Variants in KIRREL1 observed in about 807,000 individuals in gnomAD.
The protein encoded by KIRREL1 is kin of IRRE-like protein 1.
Under a neutral mutation model 83.3 loss-of-function variants are expected in KIRREL1, and 25 were observed. The observed-to-expected ratio is 0.30, with a 90% confidence interval of 0.22 to 0.42. The LOEUF is 0.42. KIRREL1 is among the 10% of genes least tolerant of loss of function. The pLI, the probability that KIRREL1 is intolerant of heterozygous loss-of-function variation, is 1.00. For synonymous variants in KIRREL1, 388 were observed against 410.4 expected, an observed-to-expected ratio of 0.95 and a Z score of 0.66; for missense variants, 812 against 1,032.3, an observed-to-expected ratio of 0.79 and a Z score of 2.92.
intron 1 of KIRREL1, among the ~76,000 whole-genome samples, chr1:158,066,769 C>T (rs948726296): frequency 3.9e-5 from 6 of 152,188 alleles, no homozygotes; most frequent in African/African-American, 7.2e-5. Flanking sequence ...TCTGCTCTCT[C>T]GCCTCCTTCC....
At chr1:158,072,529 G>GA (rs1368689570) in intron 1 of KIRREL1, among the ~76,000 whole-genome samples, 1 of 152,082 alleles carries the variant, frequency 6.6e-6, no homozygotes, top group Non-Finnish European at 1.5e-5. Flanking sequence ...GACCTTGAGG[G>GA]AACTACACGA....
chr1:158,093,703 C>T lies in KIRREL1; in HGVS notation c.1660C>T (p.Arg554Trp), dbSNP rs778661101. Residue 554 changes from arginine to tryptophan, a missense_variant, in exon 13 of 15, where the codon CGG becomes TGG. Around this residue, in one of 3 missense-constraint regions of KIRREL1, gnomAD observed 334 missense variants for 383.7 expected, o/e 0.87. Coordinates refer to ENST00000359209, the MANE Select transcript of KIRREL1 (RefSeq NM_018240.7). ...NREPLTMHSDREDDTASVSTA... is the reference protein window; with the variant it reads ...NREPLTMHSDWEDDTASVSTA... ...AGAGCCACTTACGATGCATTCTGAC[C>T]GGGAGGATGACACCGCCAGCGTCTC... 21 of 1,614,002 alleles carry T rather than the reference C, an allele frequency of 1.3e-5. No individual in the cohort carries two copies. The highest frequency in any genetic ancestry group is 4.5e-5 in the East Asian group (2 of 44,884).
At chr1:158,033,504 T>C (rs1660384559) in intron 1 of KIRREL1, among the ~76,000 whole-genome samples, 1 of 152,234 alleles carries the variant, frequency 6.6e-6, no homozygotes, top group Non-Finnish European at 1.5e-5. Context: ...TGGTGACTTT[T>C]TGGCATCAGT....
intron 10 of KIRREL1, 71 bp from the exon 11 acceptor site, chr1:158,091,287 C>G (rs1662187523): frequency 6.9e-7 from 1 of 1,438,924 alleles, no homozygotes; most frequent in African/African-American, 1.4e-5. Context: ...GAGGGTGGAT[C>G]AGGGGACACG....
chr1:158,015,262 T>C (rs1439696383), intron 1 of KIRREL1, among the ~76,000 whole-genome samples: 1 of 152,132 alleles, frequency 6.6e-6, no homozygotes, highest in Non-Finnish European at 1.5e-5. Flanking sequence ...TCCTCTCATC[T>C]CTGATGCAGT....
intron 1 of KIRREL1, among the ~76,000 whole-genome samples, chr1:158,032,706 G>T (rs1267461354): frequency 6.6e-6 from 1 of 152,048 alleles, no homozygotes; most frequent in Non-Finnish European, 1.5e-5. Context: ...ACCTTTCACT[G>T]CTTGTCCCCA....
In KIRREL1 at chr1:158,092,345, C is replaced by CTTTTTT. The variant is rs11430850; in HGVS notation, c.1471+804_1471+809dup. Among the ~76,000 whole-genome samples the CTTTTTT allele has an allele frequency of 3.6e-4, 40 of 110,916 alleles. 5 individuals carry two copies. The highest frequency in any genetic ancestry group is 8.4e-4 in the African/African-American group (24 of 28,548). 72.8% of individuals were successfully genotyped at this position (110,916 alleles called of 152,430 possible). On this transcript the variant is annotated intron_variant, in intron 11 of 14. Transcript: ENST00000359209. ...AATGACAGCATCCCATCACTTCAGT[C>CTTTTTT]TTTTTTTTTTTTTTTTTTTTGAGAT...
intron 1 of KIRREL1, among the ~76,000 whole-genome samples, chr1:158,027,170 G>T (rs991395472): frequency 3.3e-5 from 5 of 152,308 alleles, no homozygotes; most frequent in Middle Eastern, 3.4e-3. Flanking sequence ...ACCCCATCCT[G>T]AGGTTTTATT....
At chr1:158,046,363 T>G (rs1456445778) in intron 1 of KIRREL1, among the ~76,000 whole-genome samples, 1 of 151,924 alleles carries the variant, frequency 6.6e-6, no homozygotes, top group Non-Finnish European at 1.5e-5. Context: ...GAAGACCAAG[T>G]TTGGGGGTGG....
At chr1:158,024,215 C>T (rs910064087) in intron 1 of KIRREL1, among the ~76,000 whole-genome samples, 5 of 150,936 alleles carry the variant, frequency 3.3e-5, no homozygotes, top group East Asian at 1.9e-4. Context: ...TCCCAGAGTG[C>T]TAGGATTACA....
At chr1:158,072,484 G>A (rs887724540) in intron 1 of KIRREL1, among the ~76,000 whole-genome samples, 5 of 152,130 alleles carry the variant, frequency 3.3e-5, no homozygotes, top group African/African-American at 4.8e-5. Flanking sequence ...TGCAGTGTGG[G>A]CCCTACTACA....
At chr1:158,069,239 CTGG>C (rs759022372) in intron 1 of KIRREL1, among the ~76,000 whole-genome samples, 103 of 151,624 alleles carry the variant, frequency 6.8e-4, no homozygotes, top group Non-Finnish European at 1.3e-3. Context: ...CATGTGCTTG[CTGG>C]TAAATGCATG....
chr1:158,018,247 T>C (rs1342965207), intron 1 of KIRREL1, among the ~76,000 whole-genome samples: 1 of 152,204 alleles, frequency 6.6e-6, no homozygotes, highest in Non-Finnish European at 1.5e-5. Context: ...AAAGAAGCCC[T>C]AGGCCTGAAG....
intron 1 of KIRREL1, among the ~76,000 whole-genome samples, chr1:158,071,118 C>T (rs1661500419): frequency 6.6e-6 from 1 of 152,166 alleles, no homozygotes; most frequent in Non-Finnish European, 1.5e-5. Context: ...GTTTCTATTA[C>T]TCCATGGGTG....
At chr1:158,033,228 T>C (rs945613001) in intron 1 of KIRREL1, among the ~76,000 whole-genome samples, 1 of 152,056 alleles carries the variant, frequency 6.6e-6, no homozygotes, top group Non-Finnish European at 1.5e-5. Context: ...CCCACCACCA[T>C]GCCCAGCTAA....
Position 158,097,156 on chromosome 1 carries a change from C to T in KIRREL1, c.*2036C>T, listed in dbSNP as rs1290252521. On this transcript the variant is annotated 3_prime_UTR_variant, in exon 15 of 15. Transcript: ENST00000359209. ...GTATTCCATCCCTGGAAGCTGATAC[C>T]TTTCTATAGAGTCCTTTTATGAGAG... The T allele has an allele frequency of 2.3e-6, 1 of 440,084 alleles. No individual in the cohort carries two copies. Among genetic ancestry groups the T allele is most frequent in the East Asian group, 7.0e-5 (1 of 14,270 alleles). 27.3% of individuals were successfully genotyped at this position (440,084 alleles called of 1,614,324 possible).
intron 8 of KIRREL1, 144 bp from the exon 9 acceptor site, chr1:158,089,358 A>G: frequency 7.5e-7 from 1 of 1,328,378 alleles, no homozygotes; most frequent in South Asian, 1.3e-5. Context: ...ATGGACCAAA[A>G]TGGACTCGGG....
At chr1:158,042,195 G>A (rs1017966978) in intron 1 of KIRREL1, among the ~76,000 whole-genome samples, 6 of 148,560 alleles carry the variant, frequency 4.0e-5, no homozygotes, top group Non-Finnish European at 7.4e-5. Flanking sequence ...TAGCTGCGTC[G>A]TGTGGGTCTT....
intron 8 of KIRREL1, among the ~76,000 whole-genome samples, chr1:158,088,933 C>T (rs1009935206): frequency 1.3e-5 from 2 of 151,728 alleles, no homozygotes; most frequent in Non-Finnish European, 2.9e-5. Flanking sequence ...CATCTTCTCA[C>T]AGGAAAGCCC....
Sources: gnomAD v4.1 joint callset for allele counts (sites outside exome capture counted in the v4.1 genomes callset) on GRCh38, gnomAD v4.1.1 for gene constraint, gnomAD v4.1.1 regional missense constraint, MANE v1.5 for transcripts, NCBI Gene and HGNC (gene_info 2026-07-23, HGNC 2026-07-21) for gene names.